Variants in NRG1 observed in about 807,000 individuals in gnomAD.
The protein encoded by NRG1 is neuregulin 1, also known as pro-neuregulin-1, membrane-bound isoform.
Under a neutral mutation model 63.8 loss-of-function variants are expected in NRG1, and 18 were observed. The ratio of observed to expected loss-of-function variants is 0.28; its 90% CI spans 0.19 to 0.42. NRG1 has a LOEUF of 0.42. Among genes scored for constraint, NRG1 ranks in the 10% least tolerant of loss-of-function variants. The probability of loss-of-function intolerance (pLI) is 1.00; values close to 1 mark genes in which losing one functional copy is unlikely to be tolerated. For missense variants in NRG1, 762 were observed against 814.7 expected, an observed-to-expected ratio of 0.94 and a Z score of 0.79; for synonymous variants, 302 against 301.3, an observed-to-expected ratio of 1.00 and a Z score of -0.02.
intron 1 of NRG1, among the ~76,000 whole-genome samples, chr8:32,243,699 T>A (rs1051317186): frequency 6.6e-6 from 1 of 152,088 alleles, no homozygotes; most frequent in African/African-American, 2.4e-5. Context: ...AATTCATATC[T>A]TGAAGGCCTA....
intron 1 of NRG1, among the ~76,000 whole-genome samples, chr8:32,366,677 G>GTATGTATATATATATA (rs1554519435): frequency 9.1e-5 from 8 of 87,522 alleles, no homozygotes; most frequent in African/African-American, 3.2e-4. Context: ...GTGTGTGTGT[G>GTATGTATATATATATA]TATATATATA....
At chr8:31,746,383 A>G (rs184052553) in intron 1 of NRG1, among the ~76,000 whole-genome samples, 1 of 152,094 alleles carries the variant, frequency 6.6e-6, no homozygotes, top group Non-Finnish European at 1.5e-5. Flanking sequence ...TCAGACAAAA[A>G]CAGTTCAAAA....
At chr8:32,109,004 C>G (rs1831647756) in intron 1 of NRG1, among the ~76,000 whole-genome samples, 2 of 152,206 alleles carry the variant, frequency 1.3e-5, no homozygotes, top group Non-Finnish European at 2.9e-5. Context: ...TTTAACCACA[C>G]AGTCACGGAA....
At chr8:32,191,392 A>G (rs1328228386) in intron 1 of NRG1, among the ~76,000 whole-genome samples, 1 of 152,112 alleles carries the variant, frequency 6.6e-6, no homozygotes, top group Non-Finnish European at 1.5e-5. Flanking sequence ...AAGTTATTAG[A>G]TCTTCTGTTC....
At chr8:32,674,947 G>A (rs1806664556) in intron 5 of NRG1, among the ~76,000 whole-genome samples, 1 of 152,110 alleles carries the variant, frequency 6.6e-6, no homozygotes, top group Non-Finnish European at 1.5e-5. Flanking sequence ...TCATATCCAT[G>A]GAGCAAGGAT....
chr8:31,655,276 A>T (rs982663196), intron 1 of NRG1, among the ~76,000 whole-genome samples: 1 of 152,214 alleles, frequency 6.6e-6, no homozygotes, highest in Non-Finnish European at 1.5e-5. Context: ...CTGAGCTAAG[A>T]AGATAGGCAA....
intron 1 of NRG1, among the ~76,000 whole-genome samples, chr8:32,150,191 G>A (rs1837348302): frequency 6.6e-6 from 1 of 151,626 alleles, no homozygotes; most frequent in South Asian, 2.1e-4. Context: ...TACATGAAGG[G>A]AAAAAAAACC....
chr8:32,087,482 C>CTTTTTTTTTTT (rs67438409), intron 1 of NRG1, among the ~76,000 whole-genome samples: 2,722 of 90,076 alleles, frequency 0.03, 42 homozygotes, highest in Non-Finnish European at 0.044. Flanking sequence ...TCTTTTCTTT[C>CTTTTTTTTTTT]TTTTTTTTTT....
intron 1 of NRG1, among the ~76,000 whole-genome samples, chr8:31,740,978 C>T (rs921498702): frequency 5.9e-5 from 9 of 151,964 alleles, no homozygotes; most frequent in African/African-American, 2.2e-4. Flanking sequence ...CTAGGGCCCA[C>T]CAACAGTAGA....
rs537745543 is a variant in NRG1 at position 31,734,179 on chromosome 8, A to T, written c.37+94748A>T. ...CCATGTCTACAAAAAATTAAAAAAAAGCCAGGCATGGTGGCGCGTACCTAT... is the reference window on the plus strand; with the variant it reads ...CCATGTCTACAAAAAATTAAAAAAATGCCAGGCATGGTGGCGCGTACCTAT... On this transcript the variant is annotated intron_variant, in intron 1 of 10. Coordinates refer to the NRG1 transcript ENST00000519301. Among the ~76,000 whole-genome samples, 13 of 152,262 alleles carry T rather than the reference A, an allele frequency of 8.5e-5. No homozygotes were observed. In the South Asian group the frequency reaches 2.7e-3, roughly 32 times the overall value.
At chr8:31,764,694 C>T (rs928722490) in intron 1 of NRG1, among the ~76,000 whole-genome samples, 13 of 152,100 alleles carry the variant, frequency 8.5e-5, no homozygotes, top group Admixed American at 2.0e-4. Context: ...GTAGTATCTT[C>T]GAATCCATGA....
intron 1 of NRG1, among the ~76,000 whole-genome samples, chr8:32,443,747 A>T (rs893268687): frequency 9.2e-5 from 14 of 152,176 alleles, no homozygotes; most frequent in Admixed American, 2.6e-4. Flanking sequence ...AGAAGCATTT[A>T]TGATTATTTT....
At chr8:32,389,585 C>CA (rs1811450293) in intron 1 of NRG1, among the ~76,000 whole-genome samples, 1 of 152,066 alleles carries the variant, frequency 6.6e-6, no homozygotes, top group African/African-American at 2.4e-5. Flanking sequence ...TCTGTATTGC[C>CA]ATCACCCTAG....
Position 32,415,633 on chromosome 8 carries a change from A to G in NRG1, c.38-180195A>G, listed in dbSNP as rs534783926. On this transcript the variant is annotated intron_variant, in intron 1 of 10. Transcript: ENST00000519301. ...TGAGCATGAATGCATAAGACCATAC[A>G]GTTTATGGAAATGGCTGTAGCTTCT... Among the ~76,000 whole-genome samples the G allele has an allele frequency of 5.4e-4, 83 of 152,338 alleles. 1 individual carries two copies. The South Asian group carries it at 0.016, about 29-fold the overall frequency.
chr8:31,880,215 A>C (rs1830243947), intron 1 of NRG1, among the ~76,000 whole-genome samples: 1 of 152,136 alleles, frequency 6.6e-6, no homozygotes, highest in Non-Finnish European at 1.5e-5. Context: ...TCATGACATA[A>C]ATGTGTATTG....
intron 1 of NRG1, among the ~76,000 whole-genome samples, chr8:32,374,575 T>C (rs187290396): frequency 5.7e-4 from 87 of 152,304 alleles, no homozygotes; most frequent in African/African-American, 1.9e-3. Context: ...GTGAAGTCCT[T>C]TGGAAAACAG....
intron 7 of NRG1, chr8:32,743,020 A>G (rs1826709210): frequency 8.2e-7 from 1 of 1,212,838 alleles, no homozygotes; most frequent in African/African-American, 1.5e-5. Flanking sequence ...AATATCAAGC[A>G]GTGAAATATG....
chr8:31,785,317 T>C (rs747047905), intron 1 of NRG1, among the ~76,000 whole-genome samples: 8 of 152,276 alleles, frequency 5.3e-5, no homozygotes, highest in East Asian at 1.9e-4. Flanking sequence ...ATGTGTTTTC[T>C]GAGCAAGAGC....
chr8:32,444,660 T>C (rs1169293153), intron 1 of NRG1, among the ~76,000 whole-genome samples: 2 of 152,324 alleles, frequency 1.3e-5, no homozygotes, highest in Admixed American at 6.5e-5. Context: ...ACATTTTAAT[T>C]ATATTTTTCT....
Sources: allele counts gnomAD v4.1 joint callset (sites outside exome capture counted in the v4.1 genomes callset), GRCh38; gene constraint gnomAD v4.1.1; transcripts MANE v1.5; gene names NCBI Gene and HGNC (gene_info 2026-07-23, HGNC 2026-07-21).